Variants in RABGAP1L observed in about 807,000 individuals in gnomAD.
The protein encoded by RABGAP1L is RAB GTPase activating protein 1 like, also known as rab GTPase-activating protein 1-like.
Under a neutral mutation model 137.7 loss-of-function variants are expected in RABGAP1L, and 63 were observed. That is an observed-to-expected ratio of 0.46 (90% CI 0.37 to 0.56). The LOEUF is 0.56. Among genes scored for constraint, RABGAP1L ranks in the 20% least tolerant of loss-of-function variants. The probability of loss-of-function intolerance (pLI) is 0.00; values close to 1 mark genes in which losing one functional copy is unlikely to be tolerated. For missense variants in RABGAP1L, 1,095 were observed against 1,244.0 expected (o/e 0.88, Z 1.80); for synonymous variants, 431 against 433.7 (o/e 0.99, Z 0.08).
At chr1:174,475,087 T>C (rs954955394) in intron 13 of RABGAP1L, among the ~76,000 whole-genome samples, 11 of 152,198 alleles carry the variant, frequency 7.2e-5, no homozygotes, top group Non-Finnish European at 1.3e-4. Context: ...TGATGTCATA[T>C]ACAAGCAGGT....
chr1:174,616,674 A>G (rs1159896308), intron 13 of RABGAP1L, among the ~76,000 whole-genome samples: 9 of 152,226 alleles, frequency 5.9e-5, no homozygotes, highest in African/African-American at 1.9e-4. Flanking sequence ...TAGTGATGGG[A>G]GTGGAAGTTC....
At chr1:174,218,220 A>G (rs902756983) in intron 1 of RABGAP1L, among the ~76,000 whole-genome samples, 2 of 152,266 alleles carry the variant, frequency 1.3e-5, no homozygotes, top group Middle Eastern at 3.4e-3. Context: ...TGTTTGTCAC[A>G]TTAACGTGTT....
At chr1:174,774,440 T>A (rs1338112867) in intron 18 of RABGAP1L, among the ~76,000 whole-genome samples, 3 of 149,928 alleles carry the variant, frequency 2.0e-5, no homozygotes, top group African/African-American at 4.9e-5. Flanking sequence ...AAAATAAAAA[T>A]AAAAAAAATA....
intron 13 of RABGAP1L, among the ~76,000 whole-genome samples, chr1:174,438,295 A>G (rs1016248951): frequency 1.3e-5 from 2 of 152,166 alleles, no homozygotes; most frequent in African/African-American, 2.4e-5. Flanking sequence ...TTGTGTTTAC[A>G]TATAGATTTT....
chr1:174,958,183 G>GC (rs1225522562), intron 20 of RABGAP1L: 1 of 1,406,620 alleles, frequency 7.1e-7, no homozygotes. Flanking sequence ...GGTATATTGA[G>GC]CACAGTAGTG....
chr1:174,268,590 T>C (rs1478225742), intron 7 of RABGAP1L, among the ~76,000 whole-genome samples: 2 of 152,166 alleles, frequency 1.3e-5, no homozygotes, highest in Non-Finnish European at 2.9e-5. Flanking sequence ...CATTTTTATC[T>C]TCATGGAGAT....
intron 17 of RABGAP1L, among the ~76,000 whole-genome samples, chr1:174,713,584 A>G (rs332786): frequency 0.37 from 56,759 of 152,066 alleles, 13,964 homozygotes; most frequent in African/African-American, 0.7. Flanking sequence ...TTACTCTCTC[A>G]CTGTATGATG....
intron 7 of RABGAP1L, 113 bp downstream of exon 7, chr1:174,252,703 G>C: frequency 2.1e-6 from 3 of 1,429,526 alleles, no homozygotes; most frequent in Non-Finnish European, 2.8e-6. Context: ...AATTAAAAAT[G>C]AGGATAATTA....
chr1:174,490,887 C>T (rs72715203), intron 13 of RABGAP1L, among the ~76,000 whole-genome samples: 9,309 of 152,114 alleles, frequency 0.061, 402 homozygotes, highest in Admixed American at 0.095. Context: ...AGGCTTCCAC[C>T]AATGTTCATT....
At chr1:174,737,430 A>C (rs765920869) in intron 17 of RABGAP1L, among the ~76,000 whole-genome samples, 1 of 152,124 alleles carries the variant, frequency 6.6e-6, no homozygotes, top group Non-Finnish European at 1.5e-5. Context: ...TTTTCATCTG[A>C]GACATCCTCA....
At chr1:174,791,406 G>A (rs1687852260) in intron 18 of RABGAP1L, among the ~76,000 whole-genome samples, 1 of 152,116 alleles carries the variant, frequency 6.6e-6, no homozygotes, top group South Asian at 2.1e-4. Flanking sequence ...ATTGGAGATG[G>A]ACCATAGGAA....
At chr1:174,989,054 T>A (rs1574089672) in intron 25 of RABGAP1L, among the ~76,000 whole-genome samples, 3 of 152,310 alleles carry the variant, frequency 2.0e-5, no homozygotes, top group African/African-American at 7.2e-5. Flanking sequence ...TAATTAAAAT[T>A]ATATCTTATG....
chr1:174,481,884 A>T (rs1558270622), intron 13 of RABGAP1L, among the ~76,000 whole-genome samples: 1 of 148,306 alleles, frequency 6.7e-6, no homozygotes, highest in Non-Finnish European at 1.5e-5. Flanking sequence ...TAAAAAATAA[A>T]AAAAAAAAGA....
chr1:174,665,477 CT>C (rs1300194462), intron 14 of RABGAP1L, among the ~76,000 whole-genome samples: 1 of 123,340 alleles, frequency 8.1e-6, no homozygotes, highest in East Asian at 2.8e-4. Flanking sequence ...CCTTTCCTTT[CT>C]TTCCTCTTGC....
chr1:174,271,150 T>C (rs1674526670), intron 7 of RABGAP1L, among the ~76,000 whole-genome samples: 1 of 152,156 alleles, frequency 6.6e-6, no homozygotes, highest in Admixed American at 6.5e-5. Context: ...TTTTGTTCTC[T>C]GTATTTGAAA....
At chr1:174,793,060 A>G (rs1267107429) in intron 18 of RABGAP1L, among the ~76,000 whole-genome samples, 1 of 152,138 alleles carries the variant, frequency 6.6e-6, no homozygotes, top group African/African-American at 2.4e-5. Flanking sequence ...TGAACTCAGG[A>G]GGCAGAGGTT....
In RABGAP1L at chr1:174,761,879, C is replaced by T. The variant is rs947475620; in HGVS notation, c.2211+9525C>T. On this transcript the variant is annotated intron_variant, in intron 18 of 25. Transcript: ENST00000681986. This position sits in a 1 kb window ranked among gnomAD's most constrained non-coding sequence, Gnocchi z 4.0. Reference sequence around the variant, plus strand: ...ACAGCCAAACCATATCAACAATAAACATAATAAATATATAAATATAGTATA... The same window carrying T: ...ACAGCCAAACCATATCAACAATAAATATAATAAATATATAAATATAGTATA... 6.6e-6 allele frequency among the ~76,000 whole-genome samples: 1 copy of T among 151,960 alleles called. No homozygotes were observed. The highest frequency in any genetic ancestry group is 1.5e-5 in the Non-Finnish European group (1 of 68,010).
intron 13 of RABGAP1L, among the ~76,000 whole-genome samples, chr1:174,401,264 A>C (rs1327181208): frequency 1.3e-5 from 2 of 152,134 alleles, no homozygotes; most frequent in Non-Finnish European, 2.9e-5. Flanking sequence ...CTGGTTGGTG[A>C]CCTTGGGCAA....
rs536570873 is a variant in RABGAP1L, at chr1:174,437,061, C to G, written c.1710+42916C>G. Among the ~76,000 whole-genome samples, 8 of 152,332 alleles carry G rather than the reference C, an allele frequency of 5.3e-5. No homozygotes were observed. The South Asian group carries it at 1.4e-3, about 28-fold the overall frequency. ...CAGAAAGGACATCCACACCAAAAACCCATCTGTACGTCACCATCATCAAAG... is the reference window on the plus strand; with the variant it reads ...CAGAAAGGACATCCACACCAAAAACGCATCTGTACGTCACCATCATCAAAG... On this transcript the variant is annotated intron_variant, in intron 13 of 25. Coordinates refer to ENST00000681986, the MANE Select transcript of RABGAP1L (RefSeq NM_001366446.1).
Sources: gnomAD v4.1 joint callset for allele counts (sites outside exome capture counted in the v4.1 genomes callset) on GRCh38, gnomAD v4.1.1 for gene constraint, Gnocchi (gnomAD v3.1) non-coding constraint, MANE v1.5 for transcripts, NCBI Gene and HGNC (gene_info 2026-07-23, HGNC 2026-07-21) for gene names.